Variants in TACC2 observed in about 807,000 individuals in gnomAD.
TACC2 encodes the protein transforming acidic coiled-coil-containing protein 2.
In TACC2, 137 loss-of-function variants were observed where a neutral mutation model predicts 227.3. That is an observed-to-expected ratio of 0.60 (90% CI 0.52 to 0.69). The LOEUF is 0.69. Ranked by LOEUF, TACC2 falls within the 30% of genes least tolerant of loss-of-function variation. The pLI is 0.00. For missense variants in TACC2, 3,470 were observed against 3,694.4 expected (o/e 0.94, Z 1.57); for synonymous variants, 1,523 against 1,487.5 (o/e 1.02, Z -0.55).
At chr10:122,013,041 A>C (rs1956144482) in intron 1 of TACC2, among the ~76,000 whole-genome samples, 1 of 152,120 alleles carries the variant, frequency 6.6e-6, no homozygotes, top group Admixed American at 6.6e-5. Flanking sequence ...CAACATCTGA[A>C]TGTGGGGGAT....
chr10:122,074,016 G>C (rs1179735869), intron 3 of TACC2, among the ~76,000 whole-genome samples: 1 of 151,134 alleles, frequency 6.6e-6, no homozygotes, highest in Non-Finnish European at 1.5e-5. Context: ...TCCTGACCTT[G>C]TGATCTGCCC....
chr10:122,143,976 G>A (rs1314728553), intron 7 of TACC2, among the ~76,000 whole-genome samples: 1 of 152,154 alleles, frequency 6.6e-6, no homozygotes, highest in Non-Finnish European at 1.5e-5. Flanking sequence ...ATGGATAGAT[G>A]GATGGATGAT....
rs2093488846 is a variant in TACC2 at position 122,171,867 on chromosome 10, T to TA, written c.5835-23172dup. Among the ~76,000 whole-genome samples, 3 of 151,812 alleles carry TA rather than the reference T, an allele frequency of 2.0e-5. No individual in the cohort carries two copies. The South Asian group carries it at 6.2e-4, about 31-fold the overall frequency. On this transcript the variant is annotated intron_variant, in intron 7 of 22. Transcript: ENST00000369005. The stretch of plus-strand genomic sequence containing the variant: ...CTTGGCCAGGCCCTTCCATGAGTCT[T>TA]ATTAGCCTTGTGTCTTTGCTCTGAA...
At chr10:122,020,325 T>A (rs57500658) in intron 1 of TACC2, among the ~76,000 whole-genome samples, 1 of 138,102 alleles carries the variant, frequency 7.2e-6, no homozygotes, top group Non-Finnish European at 1.6e-5. Context: ...TGTGTGTGTG[T>A]GTGTGTGTGT....
At chr10:122,013,887 G>C in intron 1 of TACC2, among the ~76,000 whole-genome samples, 1 of 152,096 alleles carries the variant, frequency 6.6e-6, no homozygotes, top group Non-Finnish European at 1.5e-5. Context: ...CAACCTCTAG[G>C]CCTCAGCTTC....
chr10:122,213,194 C>A, intron 9 of TACC2: 2 of 754,656 alleles, frequency 2.7e-6, no homozygotes, highest in Non-Finnish European at 4.5e-6. Context: ...GGAAGCTGTT[C>A]CCCAGCAGCT....
intron 7 of TACC2, among the ~76,000 whole-genome samples, chr10:122,165,854 T>A (rs960884082): frequency 1.3e-5 from 2 of 152,012 alleles, no homozygotes; most frequent in Admixed American, 6.5e-5. Flanking sequence ...TGCTAGCATC[T>A]GTCCTCTTCA....
chr10:122,223,250 G>A (rs928925369), intron 11 of TACC2, among the ~76,000 whole-genome samples: 1 of 152,052 alleles, frequency 6.6e-6, no homozygotes, highest in African/African-American at 2.4e-5. Context: ...TGGCCAGGTT[G>A]TTCTTGAATT....
intron 8 of TACC2, among the ~76,000 whole-genome samples, chr10:122,203,007 A>G (rs2094929148): frequency 6.6e-6 from 1 of 151,924 alleles, no homozygotes; most frequent in African/African-American, 2.4e-5. Flanking sequence ...ATCCCAAGGC[A>G]GAAGAATTTT....
rs190201970 is a variant in TACC2, at chr10:122,090,313, G to A, written c.5573+1722G>A. Among the ~76,000 whole-genome samples, 45 of 152,078 alleles carry A rather than the reference G, an allele frequency of 3.0e-4. No homozygotes were observed. The South Asian group carries it at 5.2e-3, about 18-fold the overall frequency. On this transcript the variant is annotated intron_variant, in intron 5 of 22. Transcript: ENST00000369005. ...TGTAATCCCAGCACTTTGGGAGACCGAGGCAGGCAGATCACAAGGTCAGGA... is the reference window on the plus strand; with the variant it reads ...TGTAATCCCAGCACTTTGGGAGACCAAGGCAGGCAGATCACAAGGTCAGGA...
intron 5 of TACC2, 123 bp downstream of exon 5, chr10:122,088,714 A>T (rs778078131): frequency 7.1e-6 from 11 of 1,545,066 alleles, no homozygotes; most frequent in Non-Finnish European, 7.8e-6. Flanking sequence ...AAAGAAGCAA[A>T]TGGCCATTCC....
At chr10:122,042,434 G>T (rs544089563) in intron 2 of TACC2, among the ~76,000 whole-genome samples, 1 of 152,060 alleles carries the variant, frequency 6.6e-6, no homozygotes, top group East Asian at 1.9e-4. Context: ...GTAGAGATGG[G>T]GTTTCACCAT....
chr10:122,242,271 C>T (rs547660303), intron 19 of TACC2, among the ~76,000 whole-genome samples: 1 of 152,328 alleles, frequency 6.6e-6, no homozygotes, highest in Non-Finnish European at 1.5e-5. Flanking sequence ...CAGCCAAGGA[C>T]TCTCTACTTT....
At chr10:122,124,489 C>T (rs1336247707) in intron 5 of TACC2, among the ~76,000 whole-genome samples, 5 of 152,238 alleles carry the variant, frequency 3.3e-5, no homozygotes. Flanking sequence ...TTCCCCATCG[C>T]CCCAGGACAA....
At position 122,210,085 on chromosome 10, in the gene TACC2, C is replaced by G. The variant is rs2095253396; in HGVS notation, c.5972-312C>G. The G allele has an allele frequency of 2.5e-6, 1 of 407,854 alleles. No individual in the cohort carries two copies. Among genetic ancestry groups the G allele is most frequent in the Non-Finnish European group, 4.5e-6 (1 of 222,438 alleles). The allele number at this position is 407,854 out of a possible 1,614,324, so 25.3% of individuals were successfully genotyped here. On this transcript the variant is annotated intron_variant, in intron 8 of 22. Coordinates refer to ENST00000369005, the MANE Select transcript of TACC2 (RefSeq NM_206862.4). The surrounding 1 kb of genome is among the most constrained non-coding windows in gnomAD (Gnocchi z 4.6). ...CTGTTCCTTGTTGAATCTCTAGTAC[C>G]TAGAACCATGTCTGGTCCTGATTAG...
Position 122,083,582 on chromosome 10 carries a change from G to T in TACC2, c.1082G>T (p.Gly361Val). Residue 361 changes from glycine (G) to valine (V), a missense_variant, in exon 4 of 23, where the codon GGC (glycine) becomes GTC (valine). Physicochemically the swap from Gly to Val is moderately radical, Grantham distance 109 (BLOSUM62 -3). Coordinates refer to ENST00000369005, the MANE Select transcript of TACC2 (RefSeq NM_206862.4). ...CCTGCCCTGGTGCCAGAGGCTGGGG[G>T]CTCTGGGAAGGAGGCTCTGGACACC... is the stretch of plus-strand genomic sequence containing the variant. ...PSPALVPEAG[G>V]SGKEALDTID... 3.7e-6 allele frequency: 6 copies of T among 1,612,788 alleles called. No individual in the cohort carries two copies. Among genetic ancestry groups the T allele is most frequent in the Non-Finnish European group, 5.1e-6 (6 of 1,179,980 alleles).
intron 16 of TACC2, among the ~76,000 whole-genome samples, chr10:122,236,114 A>G (rs936631325): frequency 1.3e-5 from 2 of 151,980 alleles, no homozygotes; most frequent in Non-Finnish European, 2.9e-5. Flanking sequence ...TCTCGGGTTC[A>G]TTTTCCCTGA....
intron 7 of TACC2, among the ~76,000 whole-genome samples, chr10:122,164,973 C>G (rs1183654335): frequency 1.3e-5 from 2 of 152,034 alleles, no homozygotes; most frequent in African/African-American, 2.4e-5. Context: ...ACTGGTCCCT[C>G]GACCCCTGGG....
At chr10:122,219,211 T>G (rs1157329751) in intron 11 of TACC2, among the ~76,000 whole-genome samples, 3 of 141,010 alleles carry the variant, frequency 2.1e-5, no homozygotes, top group South Asian at 2.3e-4. Flanking sequence ...TGGAACACCC[T>G]TCCCCCCACC....
Sources: allele counts gnomAD v4.1 joint callset (sites outside exome capture counted in the v4.1 genomes callset), GRCh38; gene constraint gnomAD v4.1.1; non-coding constraint Gnocchi (gnomAD v3.1); transcripts MANE v1.5; gene names NCBI Gene and HGNC (gene_info 2026-07-23, HGNC 2026-07-21).